Variants in GPC6 observed in about 807,000 individuals in gnomAD.
The protein encoded by GPC6 is glypican-6.
GPC6 carries 14 observed loss-of-function variants against 55.2 expected under a neutral mutation model. The ratio of observed to expected loss-of-function variants is 0.25; its 90% CI spans 0.17 to 0.40. The LOEUF is 0.40. Among genes scored for constraint, GPC6 ranks in the 10% least tolerant of loss-of-function variants. The probability of loss-of-function intolerance (pLI) is 1.00; values close to 1 mark genes in which losing one functional copy is unlikely to be tolerated. For synonymous variants in GPC6, 278 were observed against 259.6 expected (o/e 1.07, Z -0.68); for missense variants, 641 against 708.5 (o/e 0.90, Z 1.08).
At chr13:93,479,607 G>GA (rs1555303822) in intron 1 of GPC6, among the ~76,000 whole-genome samples, 74 of 55,044 alleles carry the variant, frequency 1.3e-3, no homozygotes, top group South Asian at 0.011. Flanking sequence ...AACGTGGTGA[G>GA]ACCCCCCCCC....
intron 3 of GPC6, among the ~76,000 whole-genome samples, chr13:93,936,198 C>T (rs1878428346): frequency 6.6e-6 from 1 of 152,138 alleles, no homozygotes; most frequent in African/African-American, 2.4e-5. Context: ...TGTCATAATA[C>T]TTGGTAGCTT....
intron 3 of GPC6, among the ~76,000 whole-genome samples, chr13:93,865,227 T>A (rs1056097212): frequency 1.3e-5 from 2 of 151,634 alleles, no homozygotes; most frequent in Non-Finnish European, 3.0e-5. Context: ...GCTATTATAA[T>A]CATGGGTCAC....
At chr13:93,387,662 A>G (rs963067952) in intron 1 of GPC6, among the ~76,000 whole-genome samples, 3 of 152,234 alleles carry the variant, frequency 2.0e-5, no homozygotes, top group Non-Finnish European at 2.9e-5. Context: ...AACGATCTCT[A>G]TAGACATTCA....
chr13:94,294,882 G>A (rs1594140928), intron 5 of GPC6, among the ~76,000 whole-genome samples: 1 of 151,930 alleles, frequency 6.6e-6, no homozygotes, highest in African/African-American at 2.4e-5. Flanking sequence ...ACTTTCTCCT[G>A]CCCAGGATTA....
At chr13:93,601,311 A>T (rs1477924059) in intron 2 of GPC6, among the ~76,000 whole-genome samples, 2 of 152,166 alleles carry the variant, frequency 1.3e-5, no homozygotes, top group East Asian at 3.9e-4. Context: ...TTGAATGAGG[A>T]GGTGGAGGTT....
intron 3 of GPC6, among the ~76,000 whole-genome samples, chr13:93,951,942 C>T (rs566103658): frequency 6.6e-6 from 1 of 152,034 alleles, no homozygotes; most frequent in African/African-American, 2.4e-5. Flanking sequence ...GTTTCTGAGC[C>T]GATTGCCTTA....
chr13:94,153,391 A>G lies in GPC6; in HGVS notation c.877+125497A>G, dbSNP rs114749585. On this transcript the variant is annotated intron_variant, in intron 4 of 8. Transcript: ENST00000377047. ...TAACAAATAAGAGAATTATGAATCT[A>G]TGAACTTGGAGGGAATCTTGTAGGT... Among the ~76,000 whole-genome samples, 781 of 152,308 alleles carry G rather than the reference A, an allele frequency of 5.1e-3. 9 individuals carry two copies. The highest frequency in any genetic ancestry group is 0.017 in the African/African-American group (724 of 41,568).
At chr13:94,153,949 T>C (rs1268685634) in intron 4 of GPC6, among the ~76,000 whole-genome samples, 1 of 152,144 alleles carries the variant, frequency 6.6e-6, no homozygotes, top group East Asian at 1.9e-4. Flanking sequence ...GAAAACACTT[T>C]TTATATGAAA....
intron 2 of GPC6, among the ~76,000 whole-genome samples, chr13:93,606,157 T>C (rs942692702): frequency 1.3e-5 from 2 of 152,200 alleles, no homozygotes; most frequent in Admixed American, 6.5e-5. Context: ...AAAATAGGTC[T>C]TGTTCCAAGC....
intron 1 of GPC6, among the ~76,000 whole-genome samples, chr13:93,279,680 C>A (rs1034336110): frequency 2.0e-5 from 3 of 152,166 alleles, no homozygotes; most frequent in African/African-American, 7.2e-5. Context: ...CGAGGCAGGG[C>A]AGTGCATAGC....
chr13:93,698,702 TTTTA>T (rs1324188568), intron 2 of GPC6, among the ~76,000 whole-genome samples: 2 of 152,050 alleles, frequency 1.3e-5, no homozygotes, highest in Non-Finnish European at 2.9e-5. Context: ...GGAGAAATCC[TTTTA>T]TTTATTTACT....
At chr13:94,305,037 C>T (rs1019802494) in intron 5 of GPC6, among the ~76,000 whole-genome samples, 4 of 152,148 alleles carry the variant, frequency 2.6e-5, no homozygotes, top group African/African-American at 9.7e-5. Context: ...GAATCCCAAA[C>T]GGATGTTTAT....
At chr13:94,319,916 A>C (rs1011895968) in intron 6 of GPC6, among the ~76,000 whole-genome samples, 4 of 152,040 alleles carry the variant, frequency 2.6e-5, no homozygotes, top group Non-Finnish European at 4.4e-5. Flanking sequence ...GGTTTCTTTG[A>C]TTGTTCTGGA....
intron 1 of GPC6, among the ~76,000 whole-genome samples, chr13:93,329,812 C>T (rs955342241): frequency 7.9e-5 from 12 of 151,648 alleles, no homozygotes; most frequent in African/African-American, 9.7e-5. Flanking sequence ...TTACCTTAAG[C>T]CCAACAAATA....
rs893266090 is a variant in GPC6, at chr13:94,359,225, C to T, written c.1153-23189C>T. The stretch of plus-strand genomic sequence containing the variant: ...TGTGATTTGGCTTGAAAAAGAAGGT[C>T]GGTTTTCCACATAGGAAATAATTTG... On this transcript the variant is annotated intron_variant, in intron 6 of 8. Coordinates refer to ENST00000377047, the MANE Select transcript of GPC6 (RefSeq NM_005708.5). 9.2e-5 allele frequency among the ~76,000 whole-genome samples: 14 copies of T among 152,136 alleles called. 1 individual carries two copies. Among genetic ancestry groups the T allele is most frequent in the African/African-American group, 3.4e-4 (14 of 41,508 alleles).
upstream of GPC6, chr13:93,226,528 T>C (rs1339464067): frequency 2.6e-5 from 4 of 152,202 alleles, no homozygotes; most frequent in Non-Finnish European, 5.9e-5. Flanking sequence ...CAGGGACACA[T>C]ATTAAGAGCA....
At chr13:93,383,651 G>A (rs1300122125) in intron 1 of GPC6, among the ~76,000 whole-genome samples, 1 of 152,008 alleles carries the variant, frequency 6.6e-6, no homozygotes, top group Non-Finnish European at 1.5e-5. Flanking sequence ...TTTGGATAGT[G>A]CTGGGAAACT....
intron 3 of GPC6, among the ~76,000 whole-genome samples, chr13:93,927,555 T>G (rs1375881537): frequency 6.6e-6 from 1 of 152,106 alleles, no homozygotes; most frequent in Non-Finnish European, 1.5e-5. Flanking sequence ...TATGCAGAGT[T>G]CAATGGGGGT....
chr13:93,821,989 G>A (rs1228784936), intron 2 of GPC6, among the ~76,000 whole-genome samples: 3 of 149,682 alleles, frequency 2.0e-5, no homozygotes, highest in Non-Finnish European at 3.0e-5. Context: ...ATGTAGTCAC[G>A]TATATGTATA....
Sources: allele counts gnomAD v4.1 joint callset (sites outside exome capture counted in the v4.1 genomes callset), GRCh38; gene constraint gnomAD v4.1.1; transcripts MANE v1.5; gene names NCBI Gene and HGNC (gene_info 2026-07-23, HGNC 2026-07-21).